Variants in IL22RA1 observed in about 807,000 individuals in gnomAD.
IL22RA1 encodes interleukin-22 receptor subunit alpha-1.
IL22RA1 carries 25 observed loss-of-function variants against 32.8 expected under a neutral mutation model. The observed-to-expected ratio is 0.76, with a 90% CI of 0.55 to 1.06. The LOEUF (loss-of-function observed/expected upper bound fraction) is 1.06, where lower values mean the gene tolerates loss of function less well. Ranked by LOEUF, IL22RA1 falls within the 50% of genes least tolerant of loss-of-function variation. The pLI is 0.00. For missense variants in IL22RA1, 709 were observed against 727.4 expected (o/e 0.97, Z 0.29); for synonymous variants, 305 against 305.0 (o/e 1.00, Z 0.00).
intron 1 of IL22RA1, 152 bp from the exon 2 acceptor site, chr1:24,138,866 GC>G: frequency 2.3e-6 from 2 of 865,806 alleles, no homozygotes; most frequent in Non-Finnish European, 3.5e-6. Context: ...GGAGACCCTG[GC>G]CCCCAGCCTT....
rs1275468450 is a variant in IL22RA1 at position 24,137,262 on chromosome 1, G to T, written c.224C>A (p.Thr75Asn). ...CACCGTCAGGTTGCAGGACTTCCGG[G>T]TGATCCGCTGACAGCCCTTCTTTGC... ...WVAKKGCQRITRKSCNLTVET... is the reference protein window; with the variant it reads ...WVAKKGCQRINRKSCNLTVET... The change falls in exon 3 of 7, where the codon ACC (threonine) becomes AAC (asparagine). Residue 75 changes from threonine (T) to asparagine (N), a missense_variant. Thr to Asn is a moderately conservative substitution (Grantham distance 65, BLOSUM62 0). Transcript: ENST00000270800. 6.2e-7 allele frequency: 1 copy of T among 1,614,164 alleles called. No homozygotes were observed. The highest frequency in any genetic ancestry group is 8.5e-7 in the Non-Finnish European group (1 of 1,180,030).
chr1:24,138,632 G>A lies in IL22RA1; in HGVS notation c.126C>T (p.Asp42=). The A allele has an allele frequency of 6.2e-7, 1 of 1,614,158 alleles. No homozygotes were observed. Among genetic ancestry groups the A allele is most frequent in the South Asian group, 1.1e-5 (1 of 91,084 alleles). ...SSNFENILTW[D]SGPEGTPDTV... is the part of the protein sequence containing the mutation. ...TGTCTGGGGTGCCCTCCGGCCCGCT[G>A]TCCCACGTCAGGATGTTTTCAAAGT... is the stretch of plus-strand genomic sequence containing the variant. The change falls in exon 2 of 7, where the codon GAC becomes GAT. Residue 42 remains aspartate, a synonymous_variant. Coordinates refer to ENST00000270800, the MANE Select transcript of IL22RA1 (RefSeq NM_021258.4).
chr1:24,128,854 CAT>C (rs1343189959), intron 4 of IL22RA1, among the ~76,000 whole-genome samples: 1 of 152,108 alleles, frequency 6.6e-6, no homozygotes, highest in Non-Finnish European at 1.5e-5. Context: ...AAGACAATCT[CAT>C]TATAATGCTC....
At chr1:24,141,938 G>C (rs367739852) in intron 1 of IL22RA1, among the ~76,000 whole-genome samples, 3 of 152,142 alleles carry the variant, frequency 2.0e-5, no homozygotes, top group Admixed American at 6.5e-5. Flanking sequence ...GCCTAAGATT[G>C]GGGGGGTGAG....
chr1:24,124,337 C>G (rs1570902070), intron 5 of IL22RA1, among the ~76,000 whole-genome samples: 1 of 152,236 alleles, frequency 6.6e-6, no homozygotes, highest in Admixed American at 6.5e-5. Context: ...AAGAAGGGAG[C>G]CTGGGAAGGC....
chr1:24,131,007 CA>C (rs1644200557), intron 4 of IL22RA1, among the ~76,000 whole-genome samples: 1 of 152,082 alleles, frequency 6.6e-6, no homozygotes, highest in Admixed American at 6.6e-5. Flanking sequence ...ACCTGGCCAA[CA>C]ATGATTTTAA....
Position 24,132,391 on chromosome 1 carries a change from G to C in IL22RA1, c.531+1820C>G, listed in dbSNP as rs188719033. Among the ~76,000 whole-genome samples, 1,378 of 150,570 alleles carry C rather than the reference G, an allele frequency of 9.2e-3. 8 individuals are homozygous for C. The highest frequency in any genetic ancestry group is 0.013 in the Non-Finnish European group (860 of 67,660). ...CTGTCGCCCAGGCTGGAGTGCAGTGGCGCGATCTTGGCCCACTGCAAGCTC... is the reference window on the plus strand; with the variant it reads ...CTGTCGCCCAGGCTGGAGTGCAGTGCCGCGATCTTGGCCCACTGCAAGCTC... On this transcript the variant is annotated intron_variant, in intron 4 of 6. Transcript: ENST00000270800.
intron 5 of IL22RA1, among the ~76,000 whole-genome samples, chr1:24,123,747 G>A (rs1358191419): frequency 1.3e-5 from 2 of 152,158 alleles, no homozygotes; most frequent in African/African-American, 2.4e-5. Flanking sequence ...GCTGAAGTGG[G>A]GAGGTACAGG....
intron 5 of IL22RA1, among the ~76,000 whole-genome samples, chr1:24,125,075 C>T (rs1321715734): frequency 6.6e-6 from 1 of 152,186 alleles, no homozygotes; most frequent in Non-Finnish European, 1.5e-5. Flanking sequence ...ATCCTTCCTG[C>T]TGCACGACCC....
At position 24,123,782 on chromosome 1, in the gene IL22RA1, C is replaced by CCCCAG. The variant is rs767091228; in HGVS notation, c.671-364_671-360dup. The stretch of plus-strand genomic sequence containing the variant: ...GGAAAGCCCGCAGCGCACTGCAGGC[C>CCCCAG]CCCAGCCCAGCCCAGCCCAGCCCAG... On this transcript the variant is annotated intron_variant, in intron 5 of 6. Transcript: ENST00000270800. 2.6e-5 allele frequency among the ~76,000 whole-genome samples: 4 copies of CCCCAG among 152,180 alleles called. No individual in the cohort carries two copies. In the East Asian group the frequency reaches 5.8e-4, roughly 22 times the overall value.
chr1:24,121,906 T>C (rs1444571303), intron 6 of IL22RA1, among the ~76,000 whole-genome samples, 169 bp from the exon 7 acceptor site: 3 of 152,188 alleles, frequency 2.0e-5, no homozygotes, highest in Non-Finnish European at 4.4e-5. Context: ...TAGGTGCAAG[T>C]GCCTCTCTGA....
intron 5 of IL22RA1, among the ~76,000 whole-genome samples, chr1:24,126,587 C>T (rs1342032552): frequency 2.6e-5 from 4 of 152,216 alleles, no homozygotes; most frequent in East Asian, 1.9e-4. Context: ...CTATGCCACA[C>T]ACAATGTCCA....
intron 4 of IL22RA1, among the ~76,000 whole-genome samples, chr1:24,129,561 C>G (rs1341514091): frequency 6.6e-6 from 1 of 152,188 alleles, no homozygotes; most frequent in Non-Finnish European, 1.5e-5. Context: ...TTGGACAAAT[C>G]CCCTCTCATA....
intron 6 of IL22RA1, among the ~76,000 whole-genome samples, chr1:24,122,662 G>A (rs911537559): frequency 1.3e-5 from 2 of 152,128 alleles, no homozygotes; most frequent in Admixed American, 6.6e-5. Flanking sequence ...AGGTGTGGTG[G>A]TGGTGCATGC....
chr1:24,121,760 AC>A, intron 6 of IL22RA1, 23 bp from the exon 7 acceptor site: 3 of 1,453,742 alleles, frequency 2.1e-6, no homozygotes, highest in Non-Finnish European at 2.7e-6. Context: ...GACAACAGTC[AC>A]CCCCCTGTGG....
chr1:24,127,020 A>C (rs1644166161), intron 5 of IL22RA1, among the ~76,000 whole-genome samples: 1 of 148,184 alleles, frequency 6.7e-6, no homozygotes, highest in Non-Finnish European at 1.5e-5. Flanking sequence ...AAAATACAAA[A>C]AAAAAAAAAA....
At chr1:24,134,483 C>A in intron 3 of IL22RA1, 97 bp from the exon 4 acceptor site, 1 of 822,192 alleles carries the variant, frequency 1.2e-6, no homozygotes, top group Admixed American at 3.8e-5. Context: ...TGCTCCCTCT[C>A]TCCTTCCACT....
rs1485612864 is a variant in IL22RA1 at position 24,138,731 on chromosome 1, G to A, written c.44-17C>T. The A allele has an allele frequency of 1.2e-6, 2 of 1,612,788 alleles. No individual in the cohort carries two copies. The highest frequency in any genetic ancestry group is 1.7e-5 in the Admixed American group (1 of 59,740). ...GGGCGTGAGCTGCAGGAGGGTGGGA[G>A]GAGGGTGAGCAGGGGCTTTCCCAGG... On this transcript the variant is annotated splice_polypyrimidine_tract_variant and intron_variant, in intron 1 of 6. Transcript: ENST00000270800.
intron 5 of IL22RA1, among the ~76,000 whole-genome samples, chr1:24,125,247 T>A (rs1445431527): frequency 1.3e-5 from 2 of 152,108 alleles, no homozygotes; most frequent in Admixed American, 1.3e-4. Context: ...TTCCTATGGA[T>A]AACAAAGCTG....
Sources: gnomAD v4.1 joint callset for allele counts (sites outside exome capture counted in the v4.1 genomes callset) on GRCh38, gnomAD v4.1.1 for gene constraint, MANE v1.5 for transcripts, NCBI Gene and HGNC (gene_info 2026-07-23, HGNC 2026-07-21) for gene names.